INTU: variants seen among roughly 807,000 people sequenced by gnomAD.
INTU encodes the protein inturned planar cell polarity protein.
A neutral mutation model predicts 100.5 loss-of-function variants in INTU; 68 were observed. The ratio of observed to expected loss-of-function variants is 0.68; its 90% CI spans 0.56 to 0.83. The LOEUF (loss-of-function observed/expected upper bound fraction) is 0.83. INTU is among the 40% of genes least tolerant of loss of function. INTU has a pLI of 0.00. For synonymous variants in INTU, 357 were observed against 395.7 expected, an observed-to-expected ratio of 0.90 and a Z score of 1.16; for missense variants, 1,071 against 1,114.7, an observed-to-expected ratio of 0.96 and a Z score of 0.56.
chr4:127,694,644 C>T (rs1243093614), intron 8 of INTU, among the ~76,000 whole-genome samples: 1 of 152,084 alleles, frequency 6.6e-6, no homozygotes, highest in Non-Finnish European at 1.5e-5. Context: ...TATAGTTTAG[C>T]ATTTTACATT....
rs768291147 is a variant in INTU, at chr4:127,656,704, A to C, written c.751A>C (p.Ile251Leu). 8.1e-6 allele frequency: 13 copies of C among 1,607,510 alleles called. No homozygotes were observed. The highest frequency in any genetic ancestry group is 1.6e-4 in the Middle Eastern group (1 of 6,068). ...TENIERVLSC[I>L]PGPMQVKLTF... Reference sequence around the variant, plus strand: ...AAACATCGAGAGAGTTCTGTCTTGCATTCCTGGACCTATGCAGGTATGGAC... The same window carrying C: ...AAACATCGAGAGAGTTCTGTCTTGCCTTCCTGGACCTATGCAGGTATGGAC... Residue 251 changes from isoleucine (I) to leucine (L), a missense_variant, in exon 3 of 16, where the codon ATT becomes CTT. Ile to Leu is a conservative substitution (Grantham distance 5). Transcript: ENST00000335251.
rs958888128 is a variant in INTU at position 127,676,604 on chromosome 4, A to G, written c.1181+2391A>G. On this transcript the variant is annotated intron_variant, in intron 6 of 15. Transcript: ENST00000335251. ...ATGTCTCAAAAAAAAAAAAAAAGAG[A>G]GAGAGAGGTGGGAGCCAAGATGGCC... 1.8e-4 allele frequency among the ~76,000 whole-genome samples: 20 copies of G among 108,540 alleles called. No homozygotes were observed. In the South Asian group the frequency reaches 6.7e-3, roughly 36 times the overall value. The allele number at this position is 108,540 out of a possible 152,430, so 71.2% of individuals were successfully genotyped here.
intron 3 of INTU, among the ~76,000 whole-genome samples, chr4:127,660,442 A>G (rs561139367): frequency 3.3e-5 from 5 of 152,298 alleles, no homozygotes; most frequent in African/African-American, 1.2e-4. Flanking sequence ...AGCAGTGTAG[A>G]TGATGGGAGA....
At chr4:127,709,563 A>G (rs1200403558) in intron 13 of INTU, among the ~76,000 whole-genome samples, 1 of 152,172 alleles carries the variant, frequency 6.6e-6, no homozygotes, top group Non-Finnish European at 1.5e-5. Flanking sequence ...AATGTTATAT[A>G]TTCACTTCTT....
chr4:127,714,183 T>C, intron 15 of INTU, 90 bp downstream of exon 15: 20 of 1,063,842 alleles, frequency 1.9e-5, no homozygotes, highest in Non-Finnish European at 2.6e-5. Context: ...AATGTAAGCA[T>C]GGAATTTTTT....
Position 127,656,741 on chromosome 4 carries a change from A to C in INTU, c.768+20A>C, listed in dbSNP as rs564504264. 6 of 1,437,138 alleles carry C rather than the reference A, an allele frequency of 4.2e-6. No individual in the cohort carries two copies. The African/African-American group carries it at 8.4e-5, about 20-fold the overall frequency. The allele number at this position is 1,437,138 out of a possible 1,614,324, so 89.0% of individuals were successfully genotyped here. A position where few individuals can be genotyped will look rare whatever the true frequency, so the allele number is the denominator to read the frequency against. On this transcript the variant is annotated intron_variant, in intron 3 of 15. Coordinates refer to ENST00000335251, the MANE Select transcript of INTU (RefSeq NM_015693.4). Reference sequence around the variant, plus strand: ...ATGCAGGTATGGACATTCTTTTTCTATATTTTATGATGTTACATAAAATAA... The same window carrying C: ...ATGCAGGTATGGACATTCTTTTTCTCTATTTTATGATGTTACATAAAATAA...
intron 1 of INTU, 42 bp from the exon 2 acceptor site, chr4:127,643,479 A>G (rs1020275195): frequency 2.0e-6 from 3 of 1,503,796 alleles, no homozygotes; most frequent in African/African-American, 1.4e-5. Flanking sequence ...TTTCTTTTAT[A>G]TATTGGGCTG....
intron 14 of INTU, among the ~76,000 whole-genome samples, chr4:127,711,526 C>T (rs1351131108): frequency 6.6e-6 from 1 of 152,136 alleles, no homozygotes; most frequent in Admixed American, 6.5e-5. Flanking sequence ...GTCCCCAACC[C>T]CCCTGGGCCA....
intron 6 of INTU, among the ~76,000 whole-genome samples, chr4:127,675,217 C>T (rs1176692558): frequency 1.3e-5 from 2 of 152,074 alleles, no homozygotes; most frequent in African/African-American, 2.4e-5. Flanking sequence ...AGAATCATAG[C>T]GTATGGTCTA....
intron 6 of INTU, among the ~76,000 whole-genome samples, chr4:127,679,514 A>G (rs1224856757): frequency 6.6e-6 from 1 of 152,242 alleles, no homozygotes; most frequent in Non-Finnish European, 1.5e-5. Flanking sequence ...CTGGGTACAT[A>G]ATGAAATGAA....
chr4:127,709,281 C>T (rs1000472511), intron 13 of INTU, among the ~76,000 whole-genome samples: 1 of 152,266 alleles, frequency 6.6e-6, no homozygotes. Context: ...GACTTGTTGC[C>T]GCTGCAGCAC....
intron 8 of INTU, among the ~76,000 whole-genome samples, chr4:127,698,113 T>C (rs1730475523): frequency 6.6e-6 from 1 of 151,980 alleles, no homozygotes; most frequent in African/African-American, 2.4e-5. Context: ...AGAGTGAAAC[T>C]ATGTCCACAA....
chr4:127,673,099 T>C (rs1057210759), intron 5 of INTU, among the ~76,000 whole-genome samples: 4 of 152,242 alleles, frequency 2.6e-5, no homozygotes, highest in African/African-American at 9.6e-5. Flanking sequence ...TGGGACTACA[T>C]CTTCCTTTCT....
At chr4:127,649,191 A>G (rs1727719856) in intron 2 of INTU, among the ~76,000 whole-genome samples, 2 of 152,200 alleles carry the variant, frequency 1.3e-5, no homozygotes, top group Admixed American at 1.3e-4. Flanking sequence ...AAAGGAAAGG[A>G]ACTCTGAACT....
intron 12 of INTU, 127 bp from the exon 13 acceptor site, chr4:127,708,444 A>G (rs1465960428): frequency 1.2e-5 from 7 of 595,060 alleles, no homozygotes; most frequent in African/African-American, 1.9e-5. Flanking sequence ...GTTAGCATCA[A>G]AAATATTTAA....
At position 127,719,007 on chromosome 4, in the gene INTU, A is replaced by C. The variant is rs1323610431; in HGVS notation, c.*2571A>C. On this transcript the variant is annotated 3_prime_UTR_variant, in exon 16 of 16. Coordinates refer to ENST00000335251, the MANE Select transcript of INTU (RefSeq NM_015693.4). ...CTCTTGCCTGATTGCCCTGGCCAGG[A>C]CTTCCAATACTATGTTGAATAGTGG... 6.6e-6 allele frequency: 1 copy of C among 152,134 alleles called. No homozygotes were observed. The highest frequency in any genetic ancestry group is 2.4e-5 in the African/African-American group (1 of 41,420). The allele number at this position is 152,134 out of a possible 1,614,324, so 9.4% of individuals were successfully genotyped here.
At chr4:127,696,220 T>C (rs1453741286) in intron 8 of INTU, among the ~76,000 whole-genome samples, 1 of 152,184 alleles carries the variant, frequency 6.6e-6, no homozygotes, top group Non-Finnish European at 1.5e-5. Context: ...TAGAATGAGT[T>C]AGGAAGTATT....
At chr4:127,707,082 G>A (rs571677824) in intron 12 of INTU, 113 bp downstream of exon 12, 31 of 1,216,032 alleles carry the variant, frequency 2.5e-5, no homozygotes, top group Admixed American at 4.6e-5. Flanking sequence ...TTGACATGGT[G>A]GTTATTTCAG....
intron 14 of INTU, among the ~76,000 whole-genome samples, chr4:127,712,445 T>C (rs1216202893): frequency 6.6e-6 from 1 of 152,148 alleles, no homozygotes; most frequent in Admixed American, 6.5e-5. Context: ...TATAAATTAG[T>C]TTTCCCCATC....
Sources: gnomAD v4.1 joint callset for allele counts (sites outside exome capture counted in the v4.1 genomes callset) on GRCh38, gnomAD v4.1.1 for gene constraint, MANE v1.5 for transcripts, NCBI Gene and HGNC (gene_info 2026-07-23, HGNC 2026-07-21) for gene names.